PTCHD4: variants seen among roughly 807,000 people sequenced by gnomAD.
PTCHD4 encodes the protein patched domain-containing protein 4.
In PTCHD4, 33 loss-of-function variants were observed where a neutral mutation model predicts 58.1. The ratio of observed to expected loss-of-function variants is 0.57; its 90% CI spans 0.43 to 0.76. PTCHD4 has a LOEUF of 0.76. Ranked by LOEUF, PTCHD4 falls within the 30% of genes least tolerant of loss-of-function variation. The pLI, the probability that PTCHD4 is intolerant of heterozygous loss-of-function variation, is 0.00. For synonymous variants in PTCHD4, 478 were observed against 409.6 expected, an observed-to-expected ratio of 1.17 and a Z score of -2.02; for missense variants, 1,058 against 1,027.1, an observed-to-expected ratio of 1.03 and a Z score of -0.41.
intron 4 of PTCHD4, among the ~76,000 whole-genome samples, chr6:47,993,080 G>C (rs895831165): frequency 6.6e-6 from 1 of 152,118 alleles, no homozygotes; most frequent in South Asian, 2.1e-4. Flanking sequence ...ACGAAACAAG[G>C]ACAGGCAGCC....
At chr6:47,970,022 G>C (rs1435913446) in intron 4 of PTCHD4, among the ~76,000 whole-genome samples, 1 of 152,146 alleles carries the variant, frequency 6.6e-6, no homozygotes, top group Non-Finnish European at 1.5e-5. Context: ...AAAGGTGAGA[G>C]CACAATCTGA....
At chr6:47,897,489 T>C (rs2114138808) in intron 4 of PTCHD4, among the ~76,000 whole-genome samples, 1 of 152,334 alleles carries the variant, frequency 6.6e-6, no homozygotes, top group African/African-American at 2.4e-5. Context: ...CAACAGCAAC[T>C]GAATTTATGA....
At chr6:48,052,532 A>C (rs893099317) in intron 3 of PTCHD4, among the ~76,000 whole-genome samples, 3 of 152,024 alleles carry the variant, frequency 2.0e-5, no homozygotes, top group Non-Finnish European at 4.4e-5. Flanking sequence ...ACAACCCTCC[A>C]CAATTTTTGG....
intron 4 of PTCHD4, among the ~76,000 whole-genome samples, chr6:47,987,095 TA>T (rs1407891439): frequency 6.6e-6 from 1 of 151,988 alleles, no homozygotes; most frequent in East Asian, 1.9e-4. Flanking sequence ...TCTATTGGAT[TA>T]AAATGGAAGA....
intron 4 of PTCHD4, among the ~76,000 whole-genome samples, chr6:47,924,926 C>T (rs1046936868): frequency 6.6e-6 from 1 of 150,420 alleles, no homozygotes; most frequent in Non-Finnish European, 1.5e-5. Flanking sequence ...TTCTTCATAG[C>T]GCTTACAAGC....
At chr6:47,989,727 C>T (rs569417686) in intron 4 of PTCHD4, among the ~76,000 whole-genome samples, 1 of 152,314 alleles carries the variant, frequency 6.6e-6, no homozygotes, top group East Asian at 1.9e-4. Context: ...CACCTGGATG[C>T]CCAGGCAAAA....
intron 3 of PTCHD4, among the ~76,000 whole-genome samples, chr6:48,050,671 C>T (rs974675666): frequency 6.6e-5 from 10 of 152,042 alleles, no homozygotes; most frequent in African/African-American, 2.4e-4. Context: ...AGCATTTGGT[C>T]CATTGAGCAC....
At chr6:47,984,648 A>G (rs184283474) in intron 4 of PTCHD4, among the ~76,000 whole-genome samples, 293 of 152,274 alleles carry the variant, frequency 1.9e-3, no homozygotes, top group African/African-American at 6.8e-3. Context: ...GGTTCAGTGC[A>G]GATAAATAAA....
chr6:47,878,268 C>A lies in PTCHD4; in HGVS notation c.*35G>T. On this transcript the variant is annotated 3_prime_UTR_variant, in exon 5 of 5. Coordinates refer to ENST00000339488, the MANE Select transcript of PTCHD4 (RefSeq NM_001384253.1). ...ACTTGCCCTGCATCATTGTGCAATA[C>A]TGGAAAAGAAAAATAATCCACTGGT... 2 of 1,529,772 alleles carry A rather than the reference C, an allele frequency of 1.3e-6. No homozygotes were observed. Among genetic ancestry groups the A allele is most frequent in the African/African-American group, 1.4e-5 (1 of 72,070 alleles). The allele number at this position is 1,529,772 out of a possible 1,614,324, so 94.8% of individuals were successfully genotyped here.
chr6:48,045,445 T>G (rs1415657133), intron 3 of PTCHD4, among the ~76,000 whole-genome samples: 1 of 151,866 alleles, frequency 6.6e-6, no homozygotes, highest in Non-Finnish European at 1.5e-5. Flanking sequence ...TGGCTCATTT[T>G]CATTCTTCTT....
chr6:48,027,506 T>G (rs1039445482), intron 3 of PTCHD4, among the ~76,000 whole-genome samples: 3 of 152,144 alleles, frequency 2.0e-5, no homozygotes, highest in Non-Finnish European at 4.4e-5. Context: ...ATAATATGTC[T>G]ACCTTAAAAT....
chr6:47,941,645 A>G (rs1244730809), intron 4 of PTCHD4, among the ~76,000 whole-genome samples: 2 of 152,184 alleles, frequency 1.3e-5, no homozygotes. Context: ...GGTTAAGTCA[A>G]ACTCAATACT....
rs577470764 is a variant in PTCHD4, at chr6:47,944,936, A to T, written c.898+63698T>A. Among the ~76,000 whole-genome samples the T allele has an allele frequency of 1.2e-4, 18 of 152,162 alleles. No homozygotes were observed. The South Asian group carries it at 2.9e-3, about 25-fold the overall frequency. On this transcript the variant is annotated intron_variant, in intron 4 of 4. Transcript: ENST00000339488. ...GGTGTAGGGAAATATAGAATCCTGT[A>T]AGAAAGGATCCATTTGAAAATGTGG...
intron 4 of PTCHD4, among the ~76,000 whole-genome samples, chr6:47,927,484 A>C (rs1317743880): frequency 6.6e-6 from 1 of 152,206 alleles, no homozygotes; most frequent in Non-Finnish European, 1.5e-5. Flanking sequence ...TTGGCACACA[A>C]TGAAGAATGG....
Position 47,860,328 on chromosome 6 carries a change from T to C in PTCHD4, c.*17975A>G, listed in dbSNP as rs1282173888. ...TCAAGAAAGAAATGAAAGAAATATA[T>C]AAAACTGTCAATTAAGAAAAGACAA... On this transcript the variant is annotated 3_prime_UTR_variant, in exon 5 of 5. Coordinates refer to ENST00000339488, the MANE Select transcript of PTCHD4 (RefSeq NM_001384253.1). Among the ~76,000 whole-genome samples, 3 of 151,928 alleles carry C rather than the reference T, an allele frequency of 2.0e-5. No homozygotes were observed. Among genetic ancestry groups the C allele is most frequent in the African/African-American group, 7.2e-5 (3 of 41,410 alleles).
intron 1 of PTCHD4, among the ~76,000 whole-genome samples, chr6:48,072,935 G>A (rs868560048): frequency 7.9e-5 from 12 of 152,092 alleles, no homozygotes; most frequent in African/African-American, 2.6e-4. Context: ...AGGAAGAAAA[G>A]CATGGTTGCT....
At chr6:47,932,215 A>C (rs1297799454) in intron 4 of PTCHD4, among the ~76,000 whole-genome samples, 3 of 152,168 alleles carry the variant, frequency 2.0e-5, no homozygotes, top group Admixed American at 6.5e-5. Context: ...GACTGCACAT[A>C]AGTAATCTAT....
At chr6:48,078,844 C>A (rs991901474) in intron 1 of PTCHD4, among the ~76,000 whole-genome samples, 1 of 152,068 alleles carries the variant, frequency 6.6e-6, no homozygotes, top group African/African-American at 2.4e-5. Context: ...TTTGGCCGGG[C>A]GCGGTGGCTC....
At chr6:48,071,915 A>C (rs1286668311) in intron 1 of PTCHD4, among the ~76,000 whole-genome samples, 1 of 152,172 alleles carries the variant, frequency 6.6e-6, no homozygotes, top group Non-Finnish European at 1.5e-5. Flanking sequence ...TTTTCTCATG[A>C]TTAGTCTGGG....
Sources: gnomAD v4.1 joint callset for allele counts (sites outside exome capture counted in the v4.1 genomes callset) on GRCh38, gnomAD v4.1.1 for gene constraint, MANE v1.5 for transcripts, NCBI Gene and HGNC (gene_info 2026-07-23, HGNC 2026-07-21) for gene names.